TJP2: variants seen among roughly 807,000 people sequenced by gnomAD.
The protein encoded by TJP2 is Friedreich ataxia region gene X104 (tight junction protein ZO-2).
Under a neutral mutation model 133.1 loss-of-function variants are expected in TJP2, and 91 were observed. The ratio of observed to expected loss-of-function variants is 0.68; its 90% CI spans 0.58 to 0.81. The LOEUF (loss-of-function observed/expected upper bound fraction) is 0.81. TJP2 is among the 40% of genes least tolerant of loss of function. The pLI, the probability that TJP2 is intolerant of heterozygous loss-of-function variation, is 0.00. For missense variants in TJP2, 1,541 were observed against 1,565.6 expected (o/e 0.98, Z 0.26); for synonymous variants, 592 against 583.4 (o/e 1.01, Z -0.21).
At chr9:69,204,864 G>A in intron 1 of TJP2, 2 of 1,153,706 alleles carry the variant, frequency 1.7e-6, no homozygotes, top group Non-Finnish European at 2.1e-6. Context: ...CATTTTATGT[G>A]CTTAAAAGAA....
At chr9:69,205,736 T>C (rs1351134174) in intron 1 of TJP2, among the ~76,000 whole-genome samples, 2 of 152,254 alleles carry the variant, frequency 1.3e-5, no homozygotes, top group Non-Finnish European at 2.9e-5. Context: ...GAGACTTTTA[T>C]GAAGCATGTC....
chr9:69,166,894 G>A (rs1824386417), intron 2 of TJP2, among the ~76,000 whole-genome samples: 1 of 152,212 alleles, frequency 6.6e-6, no homozygotes, highest in Non-Finnish European at 1.5e-5. Context: ...CTATGATTGT[G>A]CCACTGCACT....
At chr9:69,230,047 C>T in intron 10 of TJP2, 35 bp from the exon 11 acceptor site, 2 of 1,613,092 alleles carry the variant, frequency 1.2e-6, no homozygotes, top group Non-Finnish European at 8.5e-7. Context: ...AAAAATATCT[C>T]CCATCTTTCC....
In TJP2 at chr9:69,127,192, C is replaced by T. The variant is rs1260465828; in HGVS notation, c.-131+5467C>T. Among the ~76,000 whole-genome samples, 2 of 73,716 alleles carry T rather than the reference C, an allele frequency of 2.7e-5. 1 individual carries two copies. The highest frequency in any genetic ancestry group is 6.1e-5 in the Non-Finnish European group (2 of 32,574). 48.4% of individuals were successfully genotyped at this position (73,716 alleles called of 152,430 possible). A position where few individuals can be genotyped will look rare whatever the true frequency, so the allele number is the denominator to read the frequency against. ...TCACGCCATTCTCCTGCCTCAGCCT[C>T]CTGAGTAGCTGGGACTACAGGTGCC... On this transcript the variant is annotated intron_variant, in intron 1 of 5. Coordinates refer to the TJP2 transcript ENST00000423935.
At chr9:69,250,089 C>A (rs1227512517) in intron 20 of TJP2, among the ~76,000 whole-genome samples, 1 of 152,118 alleles carries the variant, frequency 6.6e-6, no homozygotes, top group Non-Finnish European at 1.5e-5. Context: ...CTATTTAACT[C>A]AATAATTTAT....
At chr9:69,200,169 G>C (rs62567148) in intron 1 of TJP2, among the ~76,000 whole-genome samples, 57,638 of 151,762 alleles carry the variant, frequency 0.38, 11,201 homozygotes, top group South Asian at 0.44. Context: ...CTGAGTACTC[G>C]CAATGTCTTG....
chr9:69,221,785 G>A (rs1019003959), intron 5 of TJP2, among the ~76,000 whole-genome samples: 3 of 150,694 alleles, frequency 2.0e-5, no homozygotes, highest in Admixed American at 6.6e-5. Flanking sequence ...CTCCTGACTT[G>A]AGGTGATCCG....
chr9:69,248,454 C>G, intron 19 of TJP2: 3 of 1,380,718 alleles, frequency 2.2e-6, no homozygotes, highest in Non-Finnish European at 9.4e-7. Context: ...CTCCGCACAC[C>G]CATGCCCTCA....
At chr9:69,246,227 C>T (rs187505058) in intron 17 of TJP2, 5 of 205,762 alleles carry the variant, frequency 2.4e-5, no homozygotes, top group Non-Finnish European at 4.0e-5. Context: ...GGGGGTGTCC[C>T]GGAACCAATC....
chr9:69,179,261 C>G (rs1587981785), intron 1 of TJP2, among the ~76,000 whole-genome samples: 2 of 152,274 alleles, frequency 1.3e-5, no homozygotes, highest in Middle Eastern at 3.4e-3. Context: ...AGTGCCTCTG[C>G]CAGATGGTTA....
intron 2 of TJP2, among the ~76,000 whole-genome samples, chr9:69,214,176 C>T (rs1252169375): frequency 6.6e-6 from 1 of 152,144 alleles, no homozygotes; most frequent in Non-Finnish European, 1.5e-5. Flanking sequence ...ACCTTCACCT[C>T]CTAGGTTCAA....
At chr9:69,152,682 C>T (rs1328863407) in intron 2 of TJP2, among the ~76,000 whole-genome samples, 1 of 152,076 alleles carries the variant, frequency 6.6e-6, no homozygotes, top group Non-Finnish European at 1.5e-5. Flanking sequence ...CCAGCAAGTA[C>T]CAGGCCCATG....
Position 69,220,933 on chromosome 9 carries a change from GC to G in TJP2, c.392del (p.Pro131LeufsTer12). The part of the protein sequence containing the change: ...RKVQVAALQA[S>X]PPLDQDDRAF... ...GTCCAGGTGGCCGCACTTCAGGCCA[GC>G]CCTCCCCTGGATCAGGATGACCGGG... On this transcript the variant is annotated frameshift_variant, in exon 5 of 23. Transcript: ENST00000377245. LOFTEE classifies it high-confidence loss of function. 6.2e-7 allele frequency: 1 copy of G among 1,612,612 alleles called. No individual in the cohort carries two copies. Among genetic ancestry groups the G allele is most frequent in the Non-Finnish European group, 8.5e-7 (1 of 1,180,020 alleles).
chr9:69,188,623 A>T lies in TJP2; in HGVS notation c.60+14191A>T, dbSNP rs541058635. Among the ~76,000 whole-genome samples the T allele has an allele frequency of 8.1e-4, 124 of 152,264 alleles. 2 individuals are homozygous for T. Among genetic ancestry groups the T allele is most frequent in the African/African-American group, 2.9e-3 (120 of 41,544 alleles). On this transcript the variant is annotated intron_variant, in intron 1 of 22. Coordinates refer to ENST00000377245, the MANE Select transcript of TJP2 (RefSeq NM_004817.4). ...AGTAACATATCAATGTTGTCAAGAG[A>T]TGTCTTCATTCATCAGAGACCTCTG... is the stretch of plus-strand genomic sequence containing the variant.
chr9:69,161,616 G>A (rs1824078197), intron 2 of TJP2, among the ~76,000 whole-genome samples: 1 of 151,998 alleles, frequency 6.6e-6, no homozygotes, highest in Non-Finnish European at 1.5e-5. Flanking sequence ...ATCAATTTAG[G>A]AATGACATAG....
At position 69,163,030 on chromosome 9, in the gene TJP2, A is replaced by ATT. The variant is rs1169586128; in HGVS notation, c.-10+11271_-10+11272dup. 1.2e-3 allele frequency among the ~76,000 whole-genome samples: 97 copies of ATT among 79,786 alleles called. 26 individuals carry two copies. The highest frequency in any genetic ancestry group is 8.3e-3 in the East Asian group (8 of 968). 52.3% of individuals were successfully genotyped at this position (79,786 alleles called of 152,430 possible). On this transcript the variant is annotated intron_variant, in intron 2 of 5. Coordinates refer to the TJP2 transcript ENST00000423935. The stretch of plus-strand genomic sequence containing the variant: ...TTAAAAAGTATCTTTATTTTATTTT[A>ATT]TTTTTTTTTTTTTGAGACGGAGTCT...
At chr9:69,204,976 A>T in intron 1 of TJP2, 1 of 1,342,254 alleles carries the variant, frequency 7.5e-7, no homozygotes. Flanking sequence ...TTTTGCTCAT[A>T]AGTAGTGCTT....
intron 1 of TJP2, among the ~76,000 whole-genome samples, chr9:69,148,223 C>CTGAT (rs1167298466): frequency 1.4e-5 from 2 of 147,240 alleles, no homozygotes; most frequent in Non-Finnish European, 3.0e-5. Context: ...TGTGCCTGGC[C>CTGAT]CTTTCTTTTT....
intron 1 of TJP2, among the ~76,000 whole-genome samples, chr9:69,202,258 A>C (rs774694685): frequency 1.3e-5 from 2 of 152,192 alleles, no homozygotes; most frequent in Non-Finnish European, 2.9e-5. Context: ...GGTTTAGCTC[A>C]GTCCCTCCAG....
Sources: allele counts gnomAD v4.1 joint callset (sites outside exome capture counted in the v4.1 genomes callset), GRCh38; gene constraint gnomAD v4.1.1; transcripts MANE v1.5; gene names NCBI Gene and HGNC (gene_info 2026-07-23, HGNC 2026-07-21).